The following TANC1 variants were observed in gnomAD, a reference collection of about 807,000 sequenced individuals.
TANC1 encodes protein TANC1.
TANC1 carries 77 observed loss-of-function variants against 149.7 expected under a neutral mutation model. The ratio of observed to expected loss-of-function variants is 0.51; its 90% CI spans 0.43 to 0.62. The LOEUF is 0.62. TANC1 is among the 20% of genes least tolerant of loss of function. The pLI is 0.00. For synonymous variants in TANC1, 854 were observed against 925.0 expected (o/e 0.92, Z 1.39); for missense variants, 1,985 against 2,321.8 (o/e 0.85, Z 2.98).
chr2:159,169,991 C>G (rs1406174505), intron 9 of TANC1, among the ~76,000 whole-genome samples: 13 of 116,216 alleles, frequency 1.1e-4, no homozygotes, highest in Non-Finnish European at 2.0e-4. Flanking sequence ...GAAACTATCT[C>G]AAAAAAAAAA....
chr2:159,008,463 C>T (rs935378896), intron 2 of TANC1, among the ~76,000 whole-genome samples: 18 of 152,208 alleles, frequency 1.2e-4, no homozygotes, highest in African/African-American at 4.3e-4. Context: ...CATAAAATAA[C>T]ATTCAGCCTT....
intron 13 of TANC1, 86 bp from the exon 14 acceptor site, chr2:159,178,470 A>C: frequency 6.8e-7 from 1 of 1,466,598 alleles, no homozygotes; most frequent in Non-Finnish European, 9.2e-7. Flanking sequence ...CTTGAAACAA[A>C]ACTAGTGAAT....
chr2:159,144,590 C>T (rs1219882676), intron 5 of TANC1, among the ~76,000 whole-genome samples: 2 of 152,132 alleles, frequency 1.3e-5, no homozygotes, highest in African/African-American at 2.4e-5. Context: ...GTTGGCCAGG[C>T]TGCTCTCGAA....
intron 22 of TANC1, among the ~76,000 whole-genome samples, chr2:159,222,780 G>A (rs569489013): frequency 6.6e-6 from 1 of 152,322 alleles, no homozygotes; most frequent in South Asian, 2.1e-4. Flanking sequence ...GGCTCATATA[G>A]TGATTGTATT....
intron 4 of TANC1, among the ~76,000 whole-genome samples, chr2:159,106,277 A>G (rs570456142): frequency 6.6e-6 from 1 of 152,140 alleles, no homozygotes; most frequent in East Asian, 1.9e-4. Flanking sequence ...AAAAAACCCC[A>G]TACCCGTTAC....
At chr2:158,999,652 G>A (rs1201693725) in intron 1 of TANC1, among the ~76,000 whole-genome samples, 1 of 152,136 alleles carries the variant, frequency 6.6e-6, no homozygotes, top group African/African-American at 2.4e-5. Context: ...AGGGATATTT[G>A]TTCTGGAAGG....
intron 2 of TANC1, among the ~76,000 whole-genome samples, chr2:159,044,681 C>T (rs2040906064): frequency 6.6e-6 from 1 of 152,084 alleles, no homozygotes; most frequent in Admixed American, 6.5e-5. Context: ...GCAGGAGTCC[C>T]CAAGACATCC....
chr2:159,192,303 A>G (rs1221469074), intron 16 of TANC1, among the ~76,000 whole-genome samples: 2 of 151,886 alleles, frequency 1.3e-5, no homozygotes, highest in Non-Finnish European at 2.9e-5. Context: ...CACCATGACT[A>G]TTTTTTTCTT....
intron 3 of TANC1, among the ~76,000 whole-genome samples, chr2:159,066,427 A>C (rs2042671895): frequency 6.6e-6 from 1 of 152,186 alleles, no homozygotes; most frequent in Admixed American, 6.5e-5. Flanking sequence ...AAAAAGAAAA[A>C]GGACAGGAAA....
chr2:159,165,427 TA>T (rs1457858980), intron 8 of TANC1, among the ~76,000 whole-genome samples: 1 of 152,248 alleles, frequency 6.6e-6, no homozygotes, highest in Non-Finnish European at 1.5e-5. Context: ...ACATGTTTTT[TA>T]AACTAAATGC....
chr2:159,021,566 G>GA (rs1215221050), intron 2 of TANC1, among the ~76,000 whole-genome samples: 1 of 151,698 alleles, frequency 6.6e-6, no homozygotes, highest in Non-Finnish European at 1.5e-5. Flanking sequence ...TCATGTCTGT[G>GA]AATAGCCATT....
chr2:159,224,581 G>A (rs1424855181), intron 23 of TANC1: 3 of 567,618 alleles, frequency 5.3e-6, no homozygotes, highest in Non-Finnish European at 9.3e-6. Flanking sequence ...GGCTGGTGTT[G>A]AAGGACAGTC....
At chr2:159,086,594 C>T (rs2044884464) in intron 3 of TANC1, among the ~76,000 whole-genome samples, 1 of 152,052 alleles carries the variant, frequency 6.6e-6, no homozygotes. Context: ...TCCAATGTGG[C>T]AGCTTGCAGG....
chr2:159,007,389 G>A (rs772060910), intron 2 of TANC1, among the ~76,000 whole-genome samples: 48 of 152,114 alleles, frequency 3.2e-4, no homozygotes, highest in Admixed American at 1.1e-3. Flanking sequence ...CAGGTGATCC[G>A]CCCTCCTTGG....
At chr2:158,991,665 G>A (rs1028736204) in intron 1 of TANC1, among the ~76,000 whole-genome samples, 6 of 152,194 alleles carry the variant, frequency 3.9e-5, no homozygotes, top group Admixed American at 3.9e-4. Context: ...AGAATGGCGT[G>A]AACCTGGGAG....
chr2:159,166,922 G>A (rs2054661040), intron 8 of TANC1, among the ~76,000 whole-genome samples: 2 of 152,226 alleles, frequency 1.3e-5, no homozygotes, highest in Admixed American at 1.3e-4. Flanking sequence ...TGCTGAGGCT[G>A]CTCTGTTGCA....
intron 14 of TANC1, among the ~76,000 whole-genome samples, chr2:159,182,577 G>A (rs970388064): frequency 1.3e-5 from 2 of 151,938 alleles, no homozygotes; most frequent in African/African-American, 2.4e-5. Flanking sequence ...GTTTAAAAAG[G>A]GCAGCTGGGT....
rs188147020 is a variant in TANC1 at position 159,011,338 on chromosome 2, A to C, written c.-16+10149A>C. The stretch of plus-strand genomic sequence containing the variant: ...GGAAGTAAAACAACAACAACAACAA[A>C]AAAAAACCTTTTTTAAAGATAGTAA... On this transcript the variant is annotated intron_variant, in intron 2 of 26. Transcript: ENST00000263635. 9.9e-4 allele frequency among the ~76,000 whole-genome samples: 150 copies of C among 152,262 alleles called. 1 individual carries two copies. Among genetic ancestry groups the C allele is most frequent in the Admixed American group, 1.4e-3 (21 of 15,290 alleles).
At position 159,163,482 on chromosome 2, in the gene TANC1, T is replaced by C. The variant is rs746580570; in HGVS notation, c.882T>C (p.Asp294=). 2 of 1,613,738 alleles carry C rather than the reference T, an allele frequency of 1.2e-6. No individual in the cohort carries two copies. Among genetic ancestry groups the C allele is most frequent in the East Asian group, 4.5e-5 (2 of 44,892 alleles). ...TLPKAESSAG[D]GPVPYSQGSS... ...CCAAAGCAGAATCCTCAGCTGGAGA[T>C]GGTCCAGTCCCTTATTCTCAGGGCT... Residue 294 remains aspartate (D), a synonymous_variant, in exon 8 of 27, where the codon GAT becomes GAC. Transcript: ENST00000263635.
Sources: gnomAD v4.1 joint callset for allele counts (sites outside exome capture counted in the v4.1 genomes callset) on GRCh38, gnomAD v4.1.1 for gene constraint, MANE v1.5 for transcripts, NCBI Gene and HGNC (gene_info 2026-07-23, HGNC 2026-07-21) for gene names.